The following SLC14A2 variants were observed in gnomAD, a reference collection of about 807,000 sequenced individuals.
SLC14A2 encodes the protein urea transporter 2.
Under a neutral mutation model 104.6 loss-of-function variants are expected in SLC14A2, and 91 were observed. The ratio of observed to expected loss-of-function variants is 0.87; its 90% CI spans 0.73 to 1.04. The LOEUF is 1.04. Ranked by LOEUF, SLC14A2 falls within the 50% of genes least tolerant of loss-of-function variation. The pLI, the probability that SLC14A2 is intolerant of heterozygous loss-of-function variation, is 0.00. For synonymous variants in SLC14A2, 476 were observed against 466.4 expected, an observed-to-expected ratio of 1.02 and a Z score of -0.27; for missense variants, 1,189 against 1,156.0, an observed-to-expected ratio of 1.03 and a Z score of -0.41.
At chr18:45,525,216 G>C (rs1468702994) in intron 2 of SLC14A2, among the ~76,000 whole-genome samples, 1 of 151,920 alleles carries the variant, frequency 6.6e-6, no homozygotes, top group African/African-American at 2.4e-5. Flanking sequence ...GACCTACCTG[G>C]GGTATTTTCT....
At chr18:45,239,116 A>G (rs1438220229) in intron 1 of SLC14A2, among the ~76,000 whole-genome samples, 1 of 152,200 alleles carries the variant, frequency 6.6e-6, no homozygotes, top group Non-Finnish European at 1.5e-5. Flanking sequence ...CCTTTTCTAG[A>G]GTAATACCTG....
chr18:45,601,330 G>A (rs1246307730), intron 2 of SLC14A2, among the ~76,000 whole-genome samples: 2 of 152,224 alleles, frequency 1.3e-5, no homozygotes, highest in East Asian at 3.9e-4. Context: ...AAAGCCTTTA[G>A]TGTCTAGTGG....
the SLC14A2 span, among the ~76,000 whole-genome samples, chr18:45,179,190 C>G: frequency 6.6e-6 from 1 of 152,234 alleles, no homozygotes; most frequent in South Asian, 2.1e-4. Context: ...AGACTCAGGC[C>G]CTTCATCAAT....
At chr18:45,551,491 G>A (rs2044055644) in intron 2 of SLC14A2, among the ~76,000 whole-genome samples, 1 of 152,230 alleles carries the variant, frequency 6.6e-6, no homozygotes, top group Admixed American at 6.5e-5. Flanking sequence ...CCCATTTGGG[G>A]AGGCTCCCTT....
chr18:45,182,501 C>A, the SLC14A2 span, among the ~76,000 whole-genome samples: 12 of 151,604 alleles, frequency 7.9e-5, no homozygotes, highest in African/African-American at 2.9e-4. Context: ...TCATGTTTTA[C>A]CAGAGCATAG....
intron 1 of SLC14A2, among the ~76,000 whole-genome samples, chr18:45,477,705 C>G (rs1265900458): frequency 1.3e-5 from 2 of 152,200 alleles, no homozygotes; most frequent in African/African-American, 2.4e-5. Flanking sequence ...TTTAGAGAAG[C>G]AGTCTGGCTA....
intron 1 of SLC14A2, among the ~76,000 whole-genome samples, chr18:45,453,921 A>G (rs1452939627): frequency 7.4e-6 from 1 of 134,356 alleles, no homozygotes; most frequent in Non-Finnish European, 1.5e-5. Flanking sequence ...GTGCAGTGGC[A>G]TGATCTCGGC....
At chr18:45,416,250 CT>C (rs574818783) in intron 1 of SLC14A2, among the ~76,000 whole-genome samples, 17,027 of 124,962 alleles carry the variant, frequency 0.14, 815 homozygotes, top group Middle Eastern at 0.21. Flanking sequence ...TTTTTGTTTC[CT>C]TTTTTTTTTT....
chr18:45,362,458 G>A (rs2085622020), intron 1 of SLC14A2, among the ~76,000 whole-genome samples: 2 of 152,172 alleles, frequency 1.3e-5, no homozygotes, highest in South Asian at 4.2e-4. Flanking sequence ...CTCAATGTGA[G>A]AGTCAGCAGG....
At chr18:45,382,422 A>G (rs1212829606) in intron 1 of SLC14A2, among the ~76,000 whole-genome samples, 1 of 152,180 alleles carries the variant, frequency 6.6e-6, no homozygotes, top group African/African-American at 2.4e-5. Flanking sequence ...TTGAAAATAT[A>G]GGGGAAGACT....
At chr18:45,646,789 C>A (rs2144573445) in intron 10 of SLC14A2, 1 of 152,086 alleles carries the variant, frequency 6.6e-6, no homozygotes, top group East Asian at 1.9e-4. Context: ...GGTAAAAGAT[C>A]TCTAAACTTA....
chr18:45,262,574 A>G (rs769043302), intron 1 of SLC14A2, among the ~76,000 whole-genome samples: 4 of 152,188 alleles, frequency 2.6e-5, no homozygotes, highest in Non-Finnish European at 4.4e-5. Flanking sequence ...AGGATTGACC[A>G]ACTTTTTCAA....
intron 2 of SLC14A2, among the ~76,000 whole-genome samples, chr18:45,521,152 G>C (rs553111750): frequency 3.3e-5 from 5 of 152,342 alleles, no homozygotes; most frequent in African/African-American, 9.6e-5. Context: ...GGGAATTTCT[G>C]AGAGCTTAGT....
chr18:45,554,866 G>A (rs944017466), intron 2 of SLC14A2, among the ~76,000 whole-genome samples: 18 of 152,244 alleles, frequency 1.2e-4, no homozygotes, highest in Admixed American at 7.8e-4. Context: ...ATCCATGCAG[G>A]GCTGATCCTT....
chr18:45,489,626 G>A (rs929576587), intron 2 of SLC14A2, among the ~76,000 whole-genome samples: 1 of 152,124 alleles, frequency 6.6e-6, no homozygotes. Context: ...GTCACAAAGA[G>A]AGAATCCAAA....
chr18:45,278,220 A>G (rs565365358), intron 1 of SLC14A2, among the ~76,000 whole-genome samples: 5 of 152,322 alleles, frequency 3.3e-5, no homozygotes, highest in Non-Finnish European at 7.4e-5. Flanking sequence ...ATTCAGTGTG[A>G]CATTCTTGTG....
chr18:45,306,792 G>C (rs1008024171), intron 1 of SLC14A2, among the ~76,000 whole-genome samples: 28 of 152,286 alleles, frequency 1.8e-4, no homozygotes, highest in African/African-American at 6.7e-4. Context: ...AAAGTTTTCA[G>C]CTGGGTGGCA....
chr18:45,645,619 A>ATATATACATATATATATATATATATATT, intron 10 of SLC14A2, among the ~76,000 whole-genome samples: 3 of 117,040 alleles, frequency 2.6e-5, no homozygotes, highest in Admixed American at 8.9e-5. Flanking sequence ...TTAAATATAT[A>ATATATACATATATATATATATATATATT]TATACATATA....
intron 1 of SLC14A2, among the ~76,000 whole-genome samples, chr18:45,376,073 A>C (rs1298942738): frequency 6.6e-6 from 1 of 152,136 alleles, no homozygotes; most frequent in Non-Finnish European, 1.5e-5. Context: ...CCCGACATGG[A>C]CATTAACTAG....
Sources: allele counts gnomAD v4.1 joint callset (sites outside exome capture counted in the v4.1 genomes callset), GRCh38; gene constraint gnomAD v4.1.1; transcripts MANE v1.5; gene names NCBI Gene and HGNC (gene_info 2026-07-23, HGNC 2026-07-21).